The following SLC35F1 variants were observed in gnomAD, a reference collection of about 807,000 sequenced individuals.
SLC35F1 encodes the protein solute carrier family 35 member F1, also known as chromosome 6 open reading frame 169.
SLC35F1 carries 14 observed loss-of-function variants against 48.7 expected under a neutral mutation model. The observed-to-expected ratio is 0.29, with a 90% confidence interval of 0.19 to 0.45. The LOEUF (loss-of-function observed/expected upper bound fraction) is 0.45, where lower values mean the gene tolerates loss of function less well. Ranked by LOEUF, SLC35F1 falls within the 20% of genes least tolerant of loss-of-function variation. The pLI, the probability that SLC35F1 is intolerant of heterozygous loss-of-function variation, is 1.00. For synonymous variants in SLC35F1, 190 were observed against 202.2 expected (o/e 0.94, Z 0.51); for missense variants, 404 against 500.0 (o/e 0.81, Z 1.83).
chr6:118,186,443 C>T (rs1774658040), intron 2 of SLC35F1, among the ~76,000 whole-genome samples: 2 of 151,424 alleles, frequency 1.3e-5, no homozygotes, highest in Admixed American at 6.6e-5. Flanking sequence ...CTTCAGGTTC[C>T]TTTATTTTAT....
intron 4 of SLC35F1, among the ~76,000 whole-genome samples, chr6:118,268,601 T>TATATATATA (rs59597751): frequency 1.1e-3 from 52 of 45,504 alleles, no homozygotes; most frequent in South Asian, 1.9e-3. Context: ...TATATATATA[T>TATATATATA]TTTTTTTTTT....
chr6:117,949,260 T>C (rs1044649900), intron 1 of SLC35F1, among the ~76,000 whole-genome samples: 7 of 152,198 alleles, frequency 4.6e-5, no homozygotes, highest in African/African-American at 7.2e-5. Context: ...ATAGTAGAGC[T>C]GTAATACGTT....
chr6:118,075,697 G>A (rs986038310), intron 1 of SLC35F1, among the ~76,000 whole-genome samples: 3 of 152,206 alleles, frequency 2.0e-5, no homozygotes, highest in African/African-American at 7.2e-5. Flanking sequence ...GCTCTTTGGA[G>A]TTGATTGTGG....
chr6:118,208,212 G>A (rs1774962195), intron 2 of SLC35F1, among the ~76,000 whole-genome samples: 1 of 152,130 alleles, frequency 6.6e-6, no homozygotes, highest in Non-Finnish European at 1.5e-5. Context: ...GTGCACACAG[G>A]GGCTGGAGCA....
chr6:117,990,998 G>C lies in SLC35F1; in HGVS notation c.173+83099G>C, dbSNP rs1400523859. ...AAAAAGAGTGTAAAGTGAGTGGTTTGCCAGTTCTTAATTTTTTTCTGATTA... is the reference window on the plus strand; with the variant it reads ...AAAAAGAGTGTAAAGTGAGTGGTTTCCCAGTTCTTAATTTTTTTCTGATTA... On this transcript the variant is annotated intron_variant, in intron 1 of 7. Transcript: ENST00000360388. Among the ~76,000 whole-genome samples the C allele has an allele frequency of 2.0e-5, 3 of 152,256 alleles. No homozygotes were observed. The East Asian group carries it at 5.8e-4, about 29-fold the overall frequency.
At chr6:118,109,363 A>G (rs552515652) in intron 1 of SLC35F1, among the ~76,000 whole-genome samples, 4 of 152,320 alleles carry the variant, frequency 2.6e-5, no homozygotes, top group Admixed American at 1.3e-4. Flanking sequence ...TTCTGAAAGC[A>G]TTGACCAATA....
At chr6:118,028,831 T>A (rs1371478764) in intron 1 of SLC35F1, among the ~76,000 whole-genome samples, 3 of 152,088 alleles carry the variant, frequency 2.0e-5, no homozygotes, top group African/African-American at 7.2e-5. Context: ...TTAAACTATG[T>A]GCTTTTGCAA....
At chr6:118,126,301 C>T (rs573666336) in intron 1 of SLC35F1, among the ~76,000 whole-genome samples, 3 of 152,200 alleles carry the variant, frequency 2.0e-5, no homozygotes, top group Admixed American at 1.3e-4. Flanking sequence ...AGATATGCGG[C>T]GTTATTTCTG....
chr6:117,965,519 C>G (rs1055101814), intron 1 of SLC35F1, among the ~76,000 whole-genome samples: 1 of 152,172 alleles, frequency 6.6e-6, no homozygotes, highest in Admixed American at 6.5e-5. Flanking sequence ...GAGGCCCTCT[C>G]CATTGTATTA....
chr6:118,112,219 C>T (rs570854418), intron 1 of SLC35F1, among the ~76,000 whole-genome samples: 1 of 151,996 alleles, frequency 6.6e-6, no homozygotes. Flanking sequence ...ACCTCCACCT[C>T]CCAGGTTCAA....
At chr6:118,236,278 G>A (rs1038554252) in intron 3 of SLC35F1, among the ~76,000 whole-genome samples, 12 of 151,744 alleles carry the variant, frequency 7.9e-5, no homozygotes, top group African/African-American at 2.2e-4. Context: ...GTTTACCTTC[G>A]CTTTTCACAA....
intron 7 of SLC35F1, among the ~76,000 whole-genome samples, chr6:118,297,675 TTCTGAGAA>T (rs879333927): frequency 0.1 from 14,787 of 141,530 alleles, 1,236 homozygotes; most frequent in African/African-American, 0.2. Flanking sequence ...ATTATATAAG[TTCTGAGAA>T]ATATATATTA....
chr6:117,965,653 G>A (rs144751908), intron 1 of SLC35F1, among the ~76,000 whole-genome samples: 7 of 152,312 alleles, frequency 4.6e-5, no homozygotes, highest in African/African-American at 1.4e-4. Flanking sequence ...GTGGATGTAT[G>A]TGTTTGCTCT....
rs572914127 is a variant in SLC35F1, at chr6:118,009,140, A to G, written c.173+101241A>G. Among the ~76,000 whole-genome samples, 13 of 152,234 alleles carry G rather than the reference A, an allele frequency of 8.5e-5. No homozygotes were observed. The East Asian group carries it at 2.3e-3, about 27-fold the overall frequency. ...TGTCGAATTATTCATTTATTCTACA[A>G]ATATTTGCTGGGTGCCTGCCACGTG... On this transcript the variant is annotated intron_variant, in intron 1 of 7. Transcript: ENST00000360388.
At chr6:117,925,656 T>C (rs1452189138) in intron 1 of SLC35F1, among the ~76,000 whole-genome samples, 2 of 152,158 alleles carry the variant, frequency 1.3e-5, no homozygotes, top group Non-Finnish European at 2.9e-5. Context: ...TTGAATACAG[T>C]TCAGGGCCTT....
intron 1 of SLC35F1, among the ~76,000 whole-genome samples, chr6:118,027,695 T>C (rs1410606086): frequency 1.3e-5 from 2 of 152,120 alleles, no homozygotes; most frequent in Non-Finnish European, 2.9e-5. Context: ...CTTCATATAT[T>C]CTAGATACAA....
At chr6:117,992,243 C>T (rs1254997679) in intron 1 of SLC35F1, among the ~76,000 whole-genome samples, 1 of 151,696 alleles carries the variant, frequency 6.6e-6, no homozygotes, top group Non-Finnish European at 1.5e-5. Context: ...GTATTATTTA[C>T]TTTCATTTAT....
rs532533591 is a variant in SLC35F1 at position 117,954,278 on chromosome 6, G to A, written c.173+46379G>A. On this transcript the variant is annotated intron_variant, in intron 1 of 7. Coordinates refer to ENST00000360388, the MANE Select transcript of SLC35F1 (RefSeq NM_001029858.4). ...TTTTCTTTTTCTTTTTTTTTGAGAC[G>A]GAGTTTCGCTCTTGTTGCCCAGGCC... is the stretch of plus-strand genomic sequence containing the variant. Among the ~76,000 whole-genome samples the A allele has an allele frequency of 1.6e-3, 243 of 151,812 alleles. 1 individual carries two copies. Among genetic ancestry groups the A allele is most frequent in the Non-Finnish European group, 2.7e-3 (182 of 67,934 alleles).
chr6:118,111,087 A>C (rs1346334179), intron 1 of SLC35F1, among the ~76,000 whole-genome samples: 1 of 152,172 alleles, frequency 6.6e-6, no homozygotes, highest in African/African-American at 2.4e-5. Flanking sequence ...TCATAGTAAG[A>C]AACTGGGAGA....
Sources: allele counts gnomAD v4.1 joint callset (sites outside exome capture counted in the v4.1 genomes callset), GRCh38; gene constraint gnomAD v4.1.1; transcripts MANE v1.5; gene names NCBI Gene and HGNC (gene_info 2026-07-23, HGNC 2026-07-21).